The following DAB1 variants were observed in gnomAD, a reference collection of about 807,000 sequenced individuals.
DAB1 encodes the protein DAB adaptor protein 1, also known as disabled homolog 1.
A neutral mutation model predicts 64.6 loss-of-function variants in DAB1; 15 were observed. The ratio of observed to expected loss-of-function variants is 0.23; its 90% confidence interval spans 0.16 to 0.36. DAB1 has a LOEUF of 0.36. Among genes scored for constraint, DAB1 ranks in the 10% least tolerant of loss-of-function variants. The probability of loss-of-function intolerance (pLI) is 1.00; values close to 1 mark genes in which losing one functional copy is unlikely to be tolerated. For missense variants in DAB1, 596 were observed against 706.7 expected, an observed-to-expected ratio of 0.84 and a Z score of 1.78; for synonymous variants, 235 against 251.9, an observed-to-expected ratio of 0.93 and a Z score of 0.64.
At chr1:58,411,275 T>A (rs1644664972) in intron 3 of DAB1, among the ~76,000 whole-genome samples, 1 of 152,172 alleles carries the variant, frequency 6.6e-6, no homozygotes, top group Admixed American at 6.5e-5. Flanking sequence ...TAAAATCAGA[T>A]TGCCTAAGTT....
chr1:58,028,448 T>C (rs759304630), intron 5 of DAB1, among the ~76,000 whole-genome samples: 1 of 152,124 alleles, frequency 6.6e-6, no homozygotes, highest in Non-Finnish European at 1.5e-5. Flanking sequence ...TTATGAAAAA[T>C]TGGAGTGTCT....
At chr1:57,074,482 CACGATGGTCATCGCCG>C (rs1183085836) in intron 4 of DAB1, among the ~76,000 whole-genome samples, 5 of 152,310 alleles carry the variant, frequency 3.3e-5, no homozygotes, top group Admixed American at 3.3e-4. Flanking sequence ...CTCTGGATTT[CACGATGGTCATCGCCG>C]TAGTTCTAGA....
intron 1 of DAB1, among the ~76,000 whole-genome samples, chr1:57,375,540 C>T (rs1680825646): frequency 6.6e-6 from 1 of 152,120 alleles, no homozygotes; most frequent in Non-Finnish European, 1.5e-5. Context: ...GAGCCTGGGA[C>T]ACAGAAATAT....
intron 3 of DAB1, among the ~76,000 whole-genome samples, chr1:58,478,467 T>A (rs956175411): frequency 6.6e-6 from 1 of 152,186 alleles, no homozygotes; most frequent in Non-Finnish European, 1.5e-5. Flanking sequence ...TTTAAGTATA[T>A]CATTTCACTT....
At chr1:57,398,284 C>A (rs1257136889) in intron 1 of DAB1, among the ~76,000 whole-genome samples, 3 of 152,044 alleles carry the variant, frequency 2.0e-5, no homozygotes, top group Non-Finnish European at 2.9e-5. Flanking sequence ...GAACATGGGG[C>A]CTTATGTGAG....
At chr1:57,187,313 G>A (rs1483850046) in intron 2 of DAB1, among the ~76,000 whole-genome samples, 2 of 152,080 alleles carry the variant, frequency 1.3e-5, no homozygotes, top group Admixed American at 6.5e-5. Flanking sequence ...GCTTCCATCT[G>A]AGTTATCTAA....
intron 1 of DAB1, among the ~76,000 whole-genome samples, chr1:57,388,330 C>T (rs1413203205): frequency 6.6e-6 from 1 of 152,186 alleles, no homozygotes; most frequent in African/African-American, 2.4e-5. Flanking sequence ...CTCCATCATC[C>T]TAGACAGCCC....
chr1:57,327,270 C>T (rs1487436899), intron 1 of DAB1, among the ~76,000 whole-genome samples: 2 of 152,106 alleles, frequency 1.3e-5, no homozygotes, highest in East Asian at 3.9e-4. Context: ...ACGTGAAACA[C>T]CACATGAGAC....
upstream of DAB1, among the ~76,000 whole-genome samples, chr1:57,428,211 T>C (rs1238271203): frequency 3.9e-5 from 6 of 152,020 alleles, no homozygotes; most frequent in African/African-American, 1.4e-4. Context: ...TTCAAGTACA[T>C]AGTGCATAAT....
rs184250855 is a variant in DAB1, at chr1:58,235,672, G to A, written n.310-85084C>T. Among the ~76,000 whole-genome samples, 27 of 152,298 alleles carry A rather than the reference G, an allele frequency of 1.8e-4. No individual in the cohort carries two copies. In the East Asian group the frequency reaches 5.2e-3, roughly 29 times the overall value. ...ATCCTGTATCAACAGGGTATCACAAGAGACCCAGGACTGAGATGACCCACA... is the reference window on the plus strand; with the variant it reads ...ATCCTGTATCAACAGGGTATCACAAAAGACCCAGGACTGAGATGACCCACA... On this transcript the variant is annotated intron_variant and non_coding_transcript_variant, in intron 4 of 20. Coordinates refer to the DAB1 transcript ENST00000485760.
At chr1:58,127,383 C>G (rs766055767) in intron 5 of DAB1, among the ~76,000 whole-genome samples, 1 of 151,640 alleles carries the variant, frequency 6.6e-6, no homozygotes. Context: ...GAGTAGGTTG[C>G]GAAAATTTTC....
chr1:58,364,114 G>A (rs1644193774), intron 3 of DAB1, among the ~76,000 whole-genome samples: 1 of 152,206 alleles, frequency 6.6e-6, no homozygotes, highest in South Asian at 2.1e-4. Flanking sequence ...AGGTCATTAA[G>A]CTACTGCCTC....
At chr1:57,978,721 A>G (rs1386680262) in intron 5 of DAB1, among the ~76,000 whole-genome samples, 1 of 152,194 alleles carries the variant, frequency 6.6e-6, no homozygotes, top group African/African-American at 2.4e-5. Flanking sequence ...AATTTACAAG[A>G]AAAAAACAAA....
At chr1:57,309,881 T>C (rs561211244) in intron 1 of DAB1, among the ~76,000 whole-genome samples, 29 of 152,258 alleles carry the variant, frequency 1.9e-4, no homozygotes, top group African/African-American at 6.7e-4. Context: ...CTTTCAGTGA[T>C]CACAAGAGAA....
intron 5 of DAB1, among the ~76,000 whole-genome samples, chr1:58,121,484 T>C (rs893194839): frequency 1.3e-5 from 2 of 152,106 alleles, no homozygotes; most frequent in Admixed American, 1.3e-4. Context: ...CCTAAGTAAA[T>C]ATCATTTCTC....
At chr1:57,333,596 T>C (rs886632360) in intron 1 of DAB1, among the ~76,000 whole-genome samples, 28 of 152,160 alleles carry the variant, frequency 1.8e-4, no homozygotes, top group Non-Finnish European at 1.9e-4. Flanking sequence ...AAGAAATGAG[T>C]GGAATTAAAT....
At chr1:58,002,696 G>C (rs891376895) in intron 5 of DAB1, among the ~76,000 whole-genome samples, 7 of 152,170 alleles carry the variant, frequency 4.6e-5, no homozygotes, top group African/African-American at 1.7e-4. Flanking sequence ...GAGAGACAGA[G>C]AGAGAGAGAA....
intron 3 of DAB1, among the ~76,000 whole-genome samples, chr1:58,357,496 A>G (rs1644123081): frequency 6.6e-6 from 1 of 152,176 alleles, no homozygotes; most frequent in Non-Finnish European, 1.5e-5. Context: ...CCAAAAGAGA[A>G]AGTCCAATAG....
chr1:57,058,878 C>T (rs112900991), intron 9 of DAB1, among the ~76,000 whole-genome samples: 1,686 of 152,304 alleles, frequency 0.011, 25 homozygotes, highest in African/African-American at 0.038. Context: ...TGCAAAGCCG[C>T]GTGAGATGTG....
Sources: allele counts gnomAD v4.1 joint callset (sites outside exome capture counted in the v4.1 genomes callset), GRCh38; gene constraint gnomAD v4.1.1; transcripts MANE v1.5; gene names NCBI Gene and HGNC (gene_info 2026-07-23, HGNC 2026-07-21).